The following MS4A5 variants were observed in gnomAD, a reference collection of about 807,000 sequenced individuals.
The protein encoded by MS4A5 is membrane-spanning 4-domains subfamily A member 5.
MS4A5 carries 15 observed loss-of-function variants against 18.2 expected under a neutral mutation model. The observed-to-expected ratio is 0.83, with a 90% CI of 0.55 to 1.27. The LOEUF (loss-of-function observed/expected upper bound fraction) is 1.27, where lower values mean the gene tolerates loss of function less well. Ranked by LOEUF, MS4A5 falls within the 50% of genes most tolerant of loss-of-function variation. MS4A5 has a pLI of 0.00. For synonymous variants in MS4A5, 89 were observed against 78.7 expected (o/e 1.13, Z -0.69); for missense variants, 232 against 225.7 (o/e 1.03, Z -0.18).
At chr11:60,446,798 G>C (rs2086140740) in intron 4 of MS4A5, among the ~76,000 whole-genome samples, 2 of 150,032 alleles carry the variant, frequency 1.3e-5, no homozygotes, top group South Asian at 4.2e-4. Flanking sequence ...TGCTTCTTAT[G>C]TCTCTTTCGC....
intron 3 of MS4A5, 110 bp downstream of exon 3, chr11:60,432,577 G>C (rs1463701411): frequency 1.7e-6 from 1 of 575,888 alleles, no homozygotes; most frequent in Non-Finnish European, 3.0e-6. Context: ...CATGAGGTCA[G>C]GAGTTCAAGA....
rs776818291 is a variant in MS4A5 at position 60,430,871 on chromosome 11, C to G, written c.229C>G (p.Pro77Ala). The change falls in exon 2 of 5, where the codon CCA (proline) becomes GCA (alanine). Residue 77 changes from proline to alanine, a missense_variant. Transcript: ENST00000300190. ...IFLFTLLKPY[P>A]RFPFIFLSGY... is the part of the protein sequence containing the mutation. ...CCTTTTCACCTTGTTAAAACCATAT[C>G]CAAGGTTTCCCTTTATATTTCTTTC... 6 of 1,613,124 alleles carry G rather than the reference C, an allele frequency of 3.7e-6. No individual in the cohort carries two copies. The highest frequency in any genetic ancestry group is 3.3e-5 in the Admixed American group (2 of 60,000).
Position 60,430,800 on chromosome 11 carries a change from T to G in MS4A5, c.158T>G (p.Ile53Ser), listed in dbSNP as rs2086044466. The G allele has an allele frequency of 1.2e-6, 2 of 1,612,764 alleles. No homozygotes were observed. Among genetic ancestry groups the G allele is most frequent in the Non-Finnish European group, 1.7e-6 (2 of 1,179,850 alleles). ...GACTTTTTCCTCTATTTGCAGACTA[T>G]CCAGATCCTGTTTGGAATTATGACC... ...FARKMKILGT[I>S]QILFGIMTFS... is the part of the protein sequence containing the mutation. The change falls in exon 2 of 5, where the codon ATC becomes AGC. Residue 53 changes from isoleucine (I) to serine (S), a missense_variant. By Grantham distance (142) the Ile-to-Ser change is moderately radical. Coordinates refer to ENST00000300190, the MANE Select transcript of MS4A5 (RefSeq NM_023945.3).
chr11:60,444,562 T>TC lies in MS4A5; in HGVS notation c.493-3085dup, dbSNP rs1206877383. ...CCCACATCCAGAATATATTAAGCAC[T>TC]CCTGAAAATCAATAATAAAAAGGCC... On this transcript the variant is annotated intron_variant, in intron 4 of 4. Coordinates refer to ENST00000300190, the MANE Select transcript of MS4A5 (RefSeq NM_023945.3). Among the ~76,000 whole-genome samples the TC allele has an allele frequency of 5.9e-5, 9 of 152,158 alleles. No individual in the cohort carries two copies. The South Asian group carries it at 1.7e-3, about 28-fold the overall frequency.
At chr11:60,432,128 A>G (rs1487779335) in intron 2 of MS4A5, among the ~76,000 whole-genome samples, 1 of 152,204 alleles carries the variant, frequency 6.6e-6, no homozygotes, top group Non-Finnish European at 1.5e-5. Context: ...AGTCCACAAT[A>G]GCTATAAAAA....
chr11:60,434,965 A>G (rs918667709), intron 4 of MS4A5, among the ~76,000 whole-genome samples: 1 of 152,210 alleles, frequency 6.6e-6, no homozygotes, highest in African/African-American at 2.4e-5. Flanking sequence ...AAGATATACA[A>G]CGTACCCTGC....
intron 4 of MS4A5, among the ~76,000 whole-genome samples, chr11:60,447,391 T>C (rs2086146885): frequency 6.6e-6 from 1 of 150,936 alleles, no homozygotes. Context: ...TATGCTATCC[T>C]ATGCTGTGCT....
chr11:60,443,052 A>G (rs1402670069), intron 4 of MS4A5, among the ~76,000 whole-genome samples: 2 of 152,138 alleles, frequency 1.3e-5, no homozygotes, highest in Non-Finnish European at 2.9e-5. Context: ...GAGGCAGGAG[A>G]ATCACTTGAA....
At chr11:60,447,241 T>C (rs1268839130) in intron 4 of MS4A5, among the ~76,000 whole-genome samples, 4 of 151,796 alleles carry the variant, frequency 2.6e-5, no homozygotes, top group African/African-American at 9.7e-5. Flanking sequence ...TATGCTATGC[T>C]ATCCTATACT....
At chr11:60,433,445 A>T (rs2086062049) in intron 3 of MS4A5, among the ~76,000 whole-genome samples, 2 of 152,222 alleles carry the variant, frequency 1.3e-5, no homozygotes, top group African/African-American at 2.4e-5. Context: ...TAAAATAAAA[A>T]TGTAAACAGA....
intron 4 of MS4A5, among the ~76,000 whole-genome samples, chr11:60,442,138 A>G (rs1304859725): frequency 6.6e-6 from 1 of 152,234 alleles, no homozygotes. Context: ...ATATAGAATG[A>G]ACACTACACC....
rs2086080176 is a variant in MS4A5, at chr11:60,436,278, T to A, written c.492+2361T>A. Among the ~76,000 whole-genome samples the A allele has an allele frequency of 2.0e-5, 3 of 147,132 alleles. No homozygotes were observed. In the South Asian group the frequency reaches 6.6e-4, roughly 32 times the overall value. ...TCCACACCAAAAACCCATCTGTACA[T>A]CACCATCATCAAAGACCAAAAGTAG... On this transcript the variant is annotated intron_variant, in intron 4 of 4. Coordinates refer to ENST00000300190, the MANE Select transcript of MS4A5 (RefSeq NM_023945.3).
intron 4 of MS4A5, among the ~76,000 whole-genome samples, chr11:60,440,811 A>G (rs35349616): frequency 0.21 from 24,212 of 116,884 alleles, 437 homozygotes; most frequent in Admixed American, 0.29. Context: ...AAATAGGAAC[A>G]CTTTTACACT....
At chr11:60,434,942 A>G (rs1440016432) in intron 4 of MS4A5, among the ~76,000 whole-genome samples, 1 of 152,230 alleles carries the variant, frequency 6.6e-6, no homozygotes, top group African/African-American at 2.4e-5. Flanking sequence ...TACGCTCTTC[A>G]GGTAAGGGCA....
intron 3 of MS4A5, among the ~76,000 whole-genome samples, chr11:60,432,810 C>A (rs865863779): frequency 1.7e-4 from 26 of 150,952 alleles, no homozygotes; most frequent in African/African-American, 6.1e-4. Context: ...TACATTTTCA[C>A]TATTTCCACT....
At chr11:60,437,340 G>A (rs376987465) in intron 4 of MS4A5, among the ~76,000 whole-genome samples, 1 of 149,228 alleles carries the variant, frequency 6.7e-6, no homozygotes, top group South Asian at 2.2e-4. Flanking sequence ...AAAGACCATC[G>A]AGACTAGGAA....
chr11:60,445,272 T>C (rs2086132996), intron 4 of MS4A5, among the ~76,000 whole-genome samples: 2 of 152,074 alleles, frequency 1.3e-5, no homozygotes, highest in Admixed American at 1.3e-4. Flanking sequence ...CTTCTTTTTT[T>C]TTTTTGAGAT....
rs1218867265 is a variant in MS4A5, at chr11:60,440,697, C to G, written c.492+6780C>G. On this transcript the variant is annotated intron_variant, in intron 4 of 4. Transcript: ENST00000300190. ...AAAAATGCTCACCATCACTGGCCAT[C>G]AGAGAAATGCAAATCAAAACCACAA... Among the ~76,000 whole-genome samples the G allele has an allele frequency of 8.6e-3, 1,220 of 142,308 alleles. 14 individuals are homozygous for G. The highest frequency in any genetic ancestry group is 0.028 in the African/African-American group (1,069 of 38,630). 93.4% of individuals were successfully genotyped at this position (142,308 alleles called of 152,430 possible).
rs1367714514 is a variant in MS4A5, at chr11:60,433,931, A to G, written c.492+14A>G. The stretch of plus-strand genomic sequence containing the variant: ...GTCCTGTTCTTGGTAAGTATGTTGC[A>G]TTTATAGAGTGATGAGTAAAGGGCT... On this transcript the variant is annotated intron_variant, in intron 4 of 4. Coordinates refer to ENST00000300190, the MANE Select transcript of MS4A5 (RefSeq NM_023945.3). The G allele has an allele frequency of 6.2e-7, 1 of 1,611,972 alleles. No individual in the cohort carries two copies. Among genetic ancestry groups the G allele is most frequent in the African/African-American group, 1.3e-5 (1 of 74,876 alleles).
Sources: gnomAD v4.1 joint callset for allele counts (sites outside exome capture counted in the v4.1 genomes callset) on GRCh38, gnomAD v4.1.1 for gene constraint, MANE v1.5 for transcripts, NCBI Gene and HGNC (gene_info 2026-07-23, HGNC 2026-07-21) for gene names.